ARHGEF12: variants seen among roughly 807,000 people sequenced by gnomAD.
ARHGEF12 encodes the protein Rho guanine nucleotide exchange factor 12.
In ARHGEF12, 66 loss-of-function variants were observed where a neutral mutation model predicts 211.2. The ratio of observed to expected loss-of-function variants is 0.31; its 90% CI spans 0.26 to 0.38. ARHGEF12 has a LOEUF of 0.38. Ranked by LOEUF, ARHGEF12 falls within the 10% of genes least tolerant of loss-of-function variation. The probability of loss-of-function intolerance (pLI) is 1.00; values close to 1 mark genes in which losing one functional copy is unlikely to be tolerated. For missense variants in ARHGEF12, 1,429 were observed against 1,869.5 expected, an observed-to-expected ratio of 0.76 and a Z score of 4.34; for synonymous variants, 592 against 638.4, an observed-to-expected ratio of 0.93 and a Z score of 1.09.
At chr11:120,458,582 C>A in intron 25 of ARHGEF12, 1 of 253,942 alleles carries the variant, frequency 3.9e-6, no homozygotes, top group Non-Finnish European at 7.6e-6. Flanking sequence ...TAAGATCATA[C>A]AGCTAATAAC....
intron 1 of ARHGEF12, among the ~76,000 whole-genome samples, chr11:120,388,842 A>G (rs991306924): frequency 1.3e-5 from 2 of 151,910 alleles, no homozygotes; most frequent in East Asian, 1.9e-4. Context: ...TGTTTGGGAT[A>G]TAAGTGCTTT....
chr11:120,383,678 G>C (rs1188420482), intron 1 of ARHGEF12, among the ~76,000 whole-genome samples: 1 of 152,120 alleles, frequency 6.6e-6, no homozygotes, highest in South Asian at 2.1e-4. Flanking sequence ...GTGGTAATGC[G>C]AGTGATGGGG....
intron 1 of ARHGEF12, among the ~76,000 whole-genome samples, chr11:120,354,094 G>C (rs1404131939): frequency 4.6e-5 from 7 of 152,174 alleles, no homozygotes; most frequent in Admixed American, 4.6e-4. Context: ...AGTGGGAGGA[G>C]AAGATAGGAG....
chr11:120,346,218 A>G (rs1942715149), intron 1 of ARHGEF12, among the ~76,000 whole-genome samples: 1 of 152,196 alleles, frequency 6.6e-6, no homozygotes, highest in African/African-American at 2.4e-5. Flanking sequence ...TTGCTAGGTT[A>G]TGCTGCTGTA....
chr11:120,337,356 T>C, intron 1 of ARHGEF12, 81 bp downstream of exon 1: 1 of 1,604,756 alleles, frequency 6.2e-7, no homozygotes, highest in Non-Finnish European at 8.5e-7. Flanking sequence ...CAGATTGCCT[T>C]TGGCCAGCGA....
chr11:120,433,847 A>G (rs1282879257), intron 11 of ARHGEF12, among the ~76,000 whole-genome samples: 1 of 151,930 alleles, frequency 6.6e-6, no homozygotes, highest in Non-Finnish European at 1.5e-5. Flanking sequence ...AATCTCAGCT[A>G]CTGCAGAGTC....
At chr11:120,431,266 G>A (rs982796989) in intron 10 of ARHGEF12, among the ~76,000 whole-genome samples, 1 of 151,980 alleles carries the variant, frequency 6.6e-6, no homozygotes, top group African/African-American at 2.4e-5. Context: ...CTCCAGCCTG[G>A]GTGACAGAGC....
At chr11:120,407,643 C>A in intron 2 of ARHGEF12, 95 bp from the exon 3 acceptor site, 4 of 885,244 alleles carry the variant, frequency 4.5e-6, no homozygotes, top group Non-Finnish European at 7.1e-6. Context: ...AACTGATTTC[C>A]TGGTTTTTCT....
intron 1 of ARHGEF12, among the ~76,000 whole-genome samples, chr11:120,347,314 A>G (rs1942799099): frequency 7.2e-6 from 1 of 139,308 alleles, no homozygotes; most frequent in South Asian, 2.5e-4. Context: ...GTGTAGCAGA[A>G]GCAGGTAATT....
chr11:120,465,254 G>T lies in ARHGEF12; in HGVS notation c.2631G>T (p.Glu877Asp). The change falls in exon 28 of 41, where the codon GAG becomes GAT. Residue 877 changes from glutamate (E) to aspartate (D), a missense_variant. Glu to Asp is a conservative substitution (Grantham distance 45). This residue lies in a region of ARHGEF12 where 223 missense variants were observed against 444.6 expected (regional missense o/e 0.50). Coordinates refer to ENST00000397843, the MANE Select transcript of ARHGEF12 (RefSeq NM_015313.3). ...TGGCACAGTTCAGCGGACCAGGAGA[G>T]GAGAAATTGAAACATGCTGCTGCTA... ...DLLTWFSGPG[E>D]EKLKHAAATF... 1.9e-6 allele frequency: 3 copies of T among 1,614,120 alleles called. No homozygotes were observed. The highest frequency in any genetic ancestry group is 2.5e-6 in the Non-Finnish European group (3 of 1,180,024).
intron 32 of ARHGEF12, 45 bp from the exon 33 acceptor site, chr11:120,475,295 C>T: frequency 6.4e-7 from 1 of 1,550,854 alleles, no homozygotes; most frequent in African/African-American, 1.4e-5. Flanking sequence ...TCAAACGCGT[C>T]TCCATTTCTG....
chr11:120,347,348 C>T (rs1023604634), intron 1 of ARHGEF12, among the ~76,000 whole-genome samples: 11 of 146,156 alleles, frequency 7.5e-5, no homozygotes, highest in African/African-American at 2.8e-4. Context: ...AATAACATTG[C>T]AACAGATTTG....
intron 1 of ARHGEF12, chr11:120,337,931 G>C (rs1452560884): frequency 3.1e-6 from 3 of 982,606 alleles, no homozygotes; most frequent in Non-Finnish European, 3.6e-6. Context: ...AGAAACACTT[G>C]GCGTTTAAGA....
At chr11:120,368,235 A>G (rs775507840) in intron 1 of ARHGEF12, among the ~76,000 whole-genome samples, 13 of 152,142 alleles carry the variant, frequency 8.5e-5, no homozygotes, top group Non-Finnish European at 1.3e-4. Flanking sequence ...TAACAACATC[A>G]TCTTATATCA....
chr11:120,371,146 GA>G (rs1019743290), intron 1 of ARHGEF12, among the ~76,000 whole-genome samples: 33 of 152,130 alleles, frequency 2.2e-4, no homozygotes, highest in African/African-American at 7.9e-4. Flanking sequence ...CTTTCTAGGG[GA>G]AAAAAATGCC....
At chr11:120,434,844 A>C (rs2135744547) in intron 11 of ARHGEF12, among the ~76,000 whole-genome samples, 1 of 152,326 alleles carries the variant, frequency 6.6e-6, no homozygotes, top group African/African-American at 2.4e-5. Context: ...ACATATTCAA[A>C]AGTAAAGACT....
chr11:120,402,676 A>G (rs920655489), intron 1 of ARHGEF12, among the ~76,000 whole-genome samples: 7 of 152,190 alleles, frequency 4.6e-5, no homozygotes, highest in Non-Finnish European at 1.0e-4. Context: ...ACCCTAGAGG[A>G]GAGAGAAAAG....
intron 15 of ARHGEF12, among the ~76,000 whole-genome samples, chr11:120,443,309 C>A (rs546113006): frequency 2.0e-5 from 3 of 152,092 alleles, no homozygotes; most frequent in Admixed American, 6.6e-5. Context: ...CATGAGCCAC[C>A]GCACCTGGCC....
intron 1 of ARHGEF12, among the ~76,000 whole-genome samples, chr11:120,367,856 C>G (rs1254220607): frequency 6.6e-6 from 1 of 152,068 alleles, no homozygotes; most frequent in East Asian, 1.9e-4. Context: ...CCTGTAGTTC[C>G]AGCTGTTTGA....
Sources: gnomAD v4.1 joint callset for allele counts (sites outside exome capture counted in the v4.1 genomes callset) on GRCh38, gnomAD v4.1.1 for gene constraint, gnomAD v4.1.1 regional missense constraint, MANE v1.5 for transcripts, NCBI Gene and HGNC (gene_info 2026-07-23, HGNC 2026-07-21) for gene names.